WIPF2: variants seen among roughly 807,000 people sequenced by gnomAD.
WIPF2 encodes the protein WAS/WASL interacting protein family member 2.
WIPF2 carries 23 observed loss-of-function variants against 38.8 expected under a neutral mutation model. The observed-to-expected ratio is 0.59, with a 90% confidence interval of 0.43 to 0.84. The LOEUF (loss-of-function observed/expected upper bound fraction) is 0.84. Among genes scored for constraint, WIPF2 ranks in the 40% least tolerant of loss-of-function variants. The pLI is 0.00. For synonymous variants in WIPF2, 210 were observed against 223.2 expected (o/e 0.94, Z 0.53); for missense variants, 574 against 580.5 (o/e 0.99, Z 0.11).
chr17:40,264,545 A>G lies in WIPF2; in HGVS notation c.369A>G (p.Pro123=), dbSNP rs750219559. Residue 123 remains proline (P), a synonymous_variant, in exon 5 of 8, where the codon CCA becomes CCG. Transcript: ENST00000323571. ...LQIPSSRAAA[P]RPPVSAASGR... Reference sequence around the variant, plus strand: ...TCCCCAGTTCTCGAGCTGCTGCCCCAAGGCCTCCAGTATCTGCCGCCAGCG... The same window carrying G: ...TCCCCAGTTCTCGAGCTGCTGCCCCGAGGCCTCCAGTATCTGCCGCCAGCG... 6.2e-7 allele frequency: 1 copy of G among 1,613,982 alleles called. No homozygotes were observed.
intron 6 of WIPF2, among the ~76,000 whole-genome samples, chr17:40,275,806 A>G (rs148785690): frequency 2.2e-3 from 338 of 152,118 alleles, no homozygotes; most frequent in African/African-American, 7.6e-3. Flanking sequence ...GGCTCAAGCT[A>G]CCCACCCACC....
chr17:40,222,611 G>A (rs562316938), intron 1 of WIPF2, among the ~76,000 whole-genome samples: 4 of 146,374 alleles, frequency 2.7e-5, no homozygotes, highest in East Asian at 2.1e-4. Context: ...GTGTGTCTGC[G>A]TGCCAGCCAG....
intron 1 of WIPF2, among the ~76,000 whole-genome samples, chr17:40,236,609 T>C (rs1249481441): frequency 7.8e-6 from 1 of 128,562 alleles, no homozygotes; most frequent in African/African-American, 2.7e-5. Context: ...CTCAGCCTCT[T>C]TTTTTTTTTT....
intron 5 of WIPF2, among the ~76,000 whole-genome samples, chr17:40,268,722 T>C (rs1243564544): frequency 6.6e-6 from 1 of 152,192 alleles, no homozygotes; most frequent in Non-Finnish European, 1.5e-5. Flanking sequence ...TGAGCAATTG[T>C]ACCTGGCTAG....
intron 1 of WIPF2, among the ~76,000 whole-genome samples, chr17:40,226,765 T>G (rs1033537271): frequency 1.3e-5 from 2 of 152,120 alleles, no homozygotes; most frequent in African/African-American, 4.8e-5. Context: ...TTTTTGAGAC[T>G]GAGTCTTGCT....
intron 1 of WIPF2, among the ~76,000 whole-genome samples, chr17:40,225,870 G>A (rs1018025540): frequency 6.6e-6 from 1 of 152,014 alleles, no homozygotes; most frequent in South Asian, 2.1e-4. Flanking sequence ...GCCCAGCCTG[G>A]TCTTGAACTT....
chr17:40,274,045 C>A, intron 6 of WIPF2, 46 bp downstream of exon 6: 2 of 1,458,818 alleles, frequency 1.4e-6, no homozygotes, highest in Non-Finnish European at 1.8e-6. Flanking sequence ...GCGGTGACTT[C>A]ACCCACTCCA....
Position 40,279,402 on chromosome 17 carries a change from G to GT in WIPF2, c.*1180dup, listed in dbSNP as rs1329965834. 1 of 152,730 alleles carries GT rather than the reference G, an allele frequency of 6.5e-6. No individual in the cohort carries two copies. Among genetic ancestry groups the GT allele is most frequent in the African/African-American group, 2.4e-5 (1 of 41,446 alleles). 9.5% of individuals were successfully genotyped at this position (152,730 alleles called of 1,614,324 possible). On this transcript the variant is annotated 3_prime_UTR_variant, in exon 8 of 8. Coordinates refer to ENST00000323571, the MANE Select transcript of WIPF2 (RefSeq NM_133264.5). ...ACCCTTGCCTTCCCAGGACTGCACG[G>GT]TTTAACACAGCAGAGTACAGAAGGG...
chr17:40,270,365 CAA>C (rs574916961), intron 5 of WIPF2, among the ~76,000 whole-genome samples: 19 of 68,348 alleles, frequency 2.8e-4, no homozygotes, highest in Admixed American at 6.2e-4. Context: ...GACTCCGTCT[CAA>C]AAAAAAAAAA....
At chr17:40,250,375 T>C (rs1409849300) in intron 1 of WIPF2, among the ~76,000 whole-genome samples, 4 of 150,434 alleles carry the variant, frequency 2.7e-5, no homozygotes, top group Non-Finnish European at 5.9e-5. Flanking sequence ...GGACTACAGG[T>C]GCCCGCTGCC....
Position 40,278,454 on chromosome 17 carries a change from C to G in WIPF2, c.*229C>G, listed in dbSNP as rs2032475579. 1.8e-6 allele frequency: 1 copy of G among 540,990 alleles called. No homozygotes were observed. The highest frequency in any genetic ancestry group is 1.9e-5 in the African/African-American group (1 of 52,822). The allele number at this position is 540,990 out of a possible 1,614,324, so 33.5% of individuals were successfully genotyped here. ...TAGGATCTCAAACCCTGCATCCATC[C>G]TTCCTCCAGCAAGCCCTGCTAGCCA... is the stretch of plus-strand genomic sequence containing the variant. On this transcript the variant is annotated 3_prime_UTR_variant, in exon 8 of 8. Transcript: ENST00000323571.
rs145710326 is a variant in WIPF2 at position 40,226,349 on chromosome 17, G to A, written c.-70+6857G>A. Among the ~76,000 whole-genome samples, 582 of 151,224 alleles carry A rather than the reference G, an allele frequency of 3.8e-3. 2 individuals carry two copies. Among genetic ancestry groups the A allele is most frequent in the African/African-American group, 0.014 (560 of 41,194 alleles). On this transcript the variant is annotated intron_variant, in intron 1 of 7. Coordinates refer to ENST00000323571, the MANE Select transcript of WIPF2 (RefSeq NM_133264.5). ...CTCCCGAGTAGCTGGGATTACAGGCGCACACCACCACACCCGGCTAATTTA... is the reference window on the plus strand; with the variant it reads ...CTCCCGAGTAGCTGGGATTACAGGCACACACCACCACACCCGGCTAATTTA...
chr17:40,267,598 G>A (rs904837992), intron 5 of WIPF2, among the ~76,000 whole-genome samples: 7 of 152,122 alleles, frequency 4.6e-5, no homozygotes, highest in Non-Finnish European at 1.0e-4. Flanking sequence ...GGAGTGCAGT[G>A]GTGCAATCTC....
At chr17:40,261,826 A>G (rs537672282) in intron 3 of WIPF2, among the ~76,000 whole-genome samples, 5 of 151,074 alleles carry the variant, frequency 3.3e-5, no homozygotes, top group Non-Finnish European at 7.4e-5. Context: ...AGCTGGGACT[A>G]CAGGCACCTG....
At chr17:40,228,269 C>T (rs1020791318) in intron 1 of WIPF2, among the ~76,000 whole-genome samples, 5 of 151,876 alleles carry the variant, frequency 3.3e-5, no homozygotes, top group African/African-American at 4.8e-5. Context: ...CCCGCCTCGG[C>T]CTCCCAAAGT....
intron 1 of WIPF2, chr17:40,220,573 G>GTGTATA (rs1431477384): frequency 3.2e-4 from 25 of 77,098 alleles, no homozygotes; most frequent in African/African-American, 4.6e-4. Context: ...GTGTGTGTGT[G>GTGTATA]TATATATATA....
In WIPF2 at chr17:40,264,730, G is replaced by C; in HGVS notation, c.554G>C (p.Arg185Pro). The C allele has an allele frequency of 6.2e-7, 1 of 1,600,742 alleles. No homozygotes were observed. Among genetic ancestry groups the C allele is most frequent in the South Asian group, 1.1e-5 (1 of 89,988 alleles). ...SAPPPPPPGR[R>P]ANAPPTPLPM... ...CCTCCCCCACCACCCCCAGGGCGGC[G>C]TGCCAACGCACCCCCCACACCTCTG... Residue 185 changes from arginine to proline, a missense_variant, in exon 5 of 8, where the codon CGT becomes CCT. Arg to Pro is a moderately radical substitution (Grantham distance 103). Coordinates refer to ENST00000323571, the MANE Select transcript of WIPF2 (RefSeq NM_133264.5).
intron 1 of WIPF2, among the ~76,000 whole-genome samples, chr17:40,236,457 C>G (rs2030972522): frequency 6.6e-6 from 1 of 150,868 alleles, no homozygotes. Flanking sequence ...TTTGCCTCAG[C>G]CTCCCGAGTA....
intron 2 of WIPF2, among the ~76,000 whole-genome samples, chr17:40,258,485 G>A (rs1270605184): frequency 2.0e-5 from 3 of 152,182 alleles, no homozygotes; most frequent in African/African-American, 4.8e-5. Flanking sequence ...CCAGCTACTC[G>A]AGAGGCTGAG....
Sources: allele counts gnomAD v4.1 joint callset (sites outside exome capture counted in the v4.1 genomes callset), GRCh38; gene constraint gnomAD v4.1.1; transcripts MANE v1.5; gene names NCBI Gene and HGNC (gene_info 2026-07-23, HGNC 2026-07-21).